The following KIAA1549 variants were observed in gnomAD, a reference collection of about 807,000 sequenced individuals.
KIAA1549 encodes the protein UPF0606 protein KIAA1549.
A neutral mutation model predicts 156.4 loss-of-function variants in KIAA1549; 70 were observed. The ratio of observed to expected loss-of-function variants is 0.45; its 90% CI spans 0.37 to 0.55. KIAA1549 has a LOEUF of 0.55. Among genes scored for constraint, KIAA1549 ranks in the 20% least tolerant of loss-of-function variants. The pLI is 0.00. For missense variants in KIAA1549, 2,428 were observed against 2,540.9 expected (o/e 0.96, Z 0.96); for synonymous variants, 1,103 against 1,066.4 (o/e 1.03, Z -0.67).
At chr7:138,978,622 G>A (rs1424093400) in intron 1 of KIAA1549, among the ~76,000 whole-genome samples, 1 of 152,208 alleles carries the variant, frequency 6.6e-6, no homozygotes, top group Admixed American at 6.5e-5. Flanking sequence ...GTTAACAAGA[G>A]AAGCCAGCTG....
chr7:138,899,486 C>T (rs1478490494), intron 8 of KIAA1549, among the ~76,000 whole-genome samples: 1 of 152,220 alleles, frequency 6.6e-6, no homozygotes, highest in Non-Finnish European at 1.5e-5. Flanking sequence ...ATCCTCCCAA[C>T]ATTAACTGTA....
At chr7:138,945,288 A>C (rs1813306418) in intron 1 of KIAA1549, among the ~76,000 whole-genome samples, 1 of 152,230 alleles carries the variant, frequency 6.6e-6, no homozygotes, top group Non-Finnish European at 1.5e-5. Context: ...CCTTAGCGCC[A>C]GCCACTGTCT....
At chr7:138,877,170 G>C (rs1277128879) in intron 12 of KIAA1549, among the ~76,000 whole-genome samples, 1 of 152,126 alleles carries the variant, frequency 6.6e-6, no homozygotes, top group Non-Finnish European at 1.5e-5. Context: ...ACTTCATTAC[G>C]ACTTTCAACA....
Position 138,865,913 on chromosome 7 carries a change from G to T in KIAA1549, c.4929+2062C>A, listed in dbSNP as rs962495499. ...GCCCAGGTTGGCTGGAGAAGTGAAG[G>T]GACAAGAAGGGATGCTGCCCCTTCT... On this transcript the variant is annotated intron_variant, in intron 15 of 19. Transcript: ENST00000422774. Among the ~76,000 whole-genome samples the T allele has an allele frequency of 1.3e-5, 2 of 152,082 alleles. 1 individual carries two copies. Among genetic ancestry groups the T allele is most frequent in the Non-Finnish European group, 2.9e-5 (2 of 68,008 alleles).
At chr7:138,842,584 T>C (rs938501583) in intron 18 of KIAA1549, among the ~76,000 whole-genome samples, 1 of 151,856 alleles carries the variant, frequency 6.6e-6, no homozygotes, top group Non-Finnish European at 1.5e-5. Flanking sequence ...TCATAGCTAC[T>C]TGGGAGGTTG....
intron 10 of KIAA1549, among the ~76,000 whole-genome samples, chr7:138,889,272 G>A (rs149826928): frequency 6.6e-5 from 10 of 152,260 alleles, no homozygotes; most frequent in African/African-American, 1.2e-4. Context: ...TCTATAGGGC[G>A]GTCTACGTAG....
chr7:138,950,857 G>A (rs911724135), intron 1 of KIAA1549, among the ~76,000 whole-genome samples: 5 of 151,078 alleles, frequency 3.3e-5, no homozygotes, highest in Non-Finnish European at 5.9e-5. Context: ...CATGTCACGA[G>A]GTCCCCGACC....
rs757911682 is a variant in KIAA1549 at position 138,867,972 on chromosome 7, C to T, written c.4929+3G>A. 14 of 1,613,278 alleles carry T rather than the reference C, an allele frequency of 8.7e-6. No homozygotes were observed. The highest frequency in any genetic ancestry group is 6.7e-5 in the Admixed American group (4 of 59,988). ...TCCAGAAACTGGAGTCGGTGGCACG[C>T]ACTGGGCATCCGATGTAGGCTGAGT... On this transcript the variant is annotated splice_donor_region_variant and intron_variant, in intron 15 of 19. Transcript: ENST00000422774.
rs753732686 is a variant in KIAA1549 at position 138,844,428 on chromosome 7, G to T, written c.5341C>A (p.Pro1781Thr). 6.3e-7 allele frequency: 1 copy of T among 1,588,718 alleles called. No homozygotes were observed. The highest frequency in any genetic ancestry group is 1.4e-5 in the African/African-American group (1 of 74,072). The part of the protein sequence containing the change: ...GLLQSTELVP[P>T]DPQQPQASAE... ...GAGGCCTGTGGCTGCTGAGGGTCAG[G>T]GGGCACCAGCTCTGTAGACTGCAGC... The change falls in exon 18 of 20, where the codon CCT becomes ACT. Residue 1781 changes from proline (P) to threonine (T), a missense_variant. Pro to Thr is a conservative substitution (Grantham distance 38). Around this residue, in one of 5 missense-constraint regions of KIAA1549, gnomAD observed 363 missense variants for 354.0 expected, o/e 1.03. Transcript: ENST00000422774.
intron 10 of KIAA1549, among the ~76,000 whole-genome samples, chr7:138,885,981 AC>A (rs1179238874): frequency 6.6e-6 from 1 of 152,032 alleles, no homozygotes; most frequent in Non-Finnish European, 1.5e-5. Flanking sequence ...ATTCAAGGAC[AC>A]CCAGCTGATA....
At position 138,848,678 on chromosome 7, in the gene KIAA1549, T is replaced by G. The variant is rs184557221; in HGVS notation, c.5294+3545A>C. Reference sequence around the variant, plus strand: ...GCCCTTGTCCCTCGTATCAAGGTGATGTTGGCTTCATAAAATGAACGGAGA... The same window carrying G: ...GCCCTTGTCCCTCGTATCAAGGTGAGGTTGGCTTCATAAAATGAACGGAGA... On this transcript the variant is annotated intron_variant, in intron 17 of 19. Coordinates refer to ENST00000422774, the MANE Select transcript of KIAA1549 (RefSeq NM_001164665.2). Among the ~76,000 whole-genome samples the G allele has an allele frequency of 2.4e-3, 373 of 152,316 alleles. 1 individual carries two copies. The highest frequency in any genetic ancestry group is 6.8e-3 in the Middle Eastern group (2 of 294).
Position 138,833,922 on chromosome 7 carries a change from G to T in KIAA1549, c.*3984C>A, listed in dbSNP as rs1584974814. On this transcript the variant is annotated 3_prime_UTR_variant, in exon 20 of 20. Transcript: ENST00000422774. ...CTTCTCTTCTGAAACTCCCTCAATA[G>T]TGCAGTCGGGGATTCTGTCCCCATA... The T allele has an allele frequency of 8.6e-6, 2 of 231,894 alleles. No individual in the cohort carries two copies. Among genetic ancestry groups the T allele is most frequent in the East Asian group, 1.2e-4 (2 of 16,404 alleles). 14.4% of individuals were successfully genotyped at this position (231,894 alleles called of 1,614,324 possible). A position where few individuals can be genotyped will look rare whatever the true frequency, so the allele number is the denominator to read the frequency against.
At position 138,981,046 on chromosome 7, in the gene KIAA1549, G is replaced by A. The variant is rs1002496544; in HGVS notation, c.187+37C>T. 4.1e-6 allele frequency: 5 copies of A among 1,219,928 alleles called. No homozygotes were observed. Among genetic ancestry groups the A allele is most frequent in the Non-Finnish European group, 4.1e-6 (4 of 979,064 alleles). 75.6% of individuals were successfully genotyped at this position (1,219,928 alleles called of 1,614,324 possible). A position where few individuals can be genotyped will look rare whatever the true frequency, so the allele number is the denominator to read the frequency against. Reference sequence around the variant, plus strand: ...AACAGCAGCGATAAAGGCAGGCGGGGTCGCGGCCGCGTTCCGAGGGTCTCG... The same window carrying A: ...AACAGCAGCGATAAAGGCAGGCGGGATCGCGGCCGCGTTCCGAGGGTCTCG... On this transcript the variant is annotated intron_variant, in intron 1 of 19. Transcript: ENST00000422774. This position sits in a 1 kb window ranked among gnomAD's most constrained non-coding sequence, Gnocchi z 4.5.
At chr7:138,967,979 G>A (rs567618040) in intron 1 of KIAA1549, among the ~76,000 whole-genome samples, 31 of 152,322 alleles carry the variant, frequency 2.0e-4, no homozygotes, top group Admixed American at 9.8e-4. Context: ...AGACCACTGA[G>A]GCTCCCAGCT....
chr7:138,903,937 A>G (rs1811935782), intron 7 of KIAA1549, among the ~76,000 whole-genome samples: 1 of 152,088 alleles, frequency 6.6e-6, no homozygotes, highest in Non-Finnish European at 1.5e-5. Flanking sequence ...AAACATCAAA[A>G]GGAGAAAAAG....
chr7:138,958,482 C>T (rs1380473069), intron 1 of KIAA1549, among the ~76,000 whole-genome samples: 1 of 152,192 alleles, frequency 6.6e-6, no homozygotes, highest in Non-Finnish European at 1.5e-5. Flanking sequence ...GGCCCTGAGG[C>T]ATCTTGTCAG....
chr7:138,926,617 T>C (rs1812727582), intron 1 of KIAA1549, among the ~76,000 whole-genome samples: 1 of 152,096 alleles, frequency 6.6e-6, no homozygotes, highest in African/African-American at 2.4e-5. Flanking sequence ...TCTCAGGTTG[T>C]CCTAGGCAGA....
chr7:138,851,325 GC>G (rs952169655), intron 17 of KIAA1549, among the ~76,000 whole-genome samples: 2 of 151,524 alleles, frequency 1.3e-5, no homozygotes, highest in Non-Finnish European at 2.9e-5. Flanking sequence ...TTATATTTAA[GC>G]ATTCTTTAGT....
intron 1 of KIAA1549, among the ~76,000 whole-genome samples, chr7:138,962,790 T>C (rs1269752528): frequency 6.6e-6 from 1 of 152,194 alleles, no homozygotes; most frequent in Non-Finnish European, 1.5e-5. Context: ...TTTTCAACCA[T>C]TCTGTTTCAG....
Sources: allele counts gnomAD v4.1 joint callset (sites outside exome capture counted in the v4.1 genomes callset), GRCh38; gene constraint gnomAD v4.1.1; regional missense constraint gnomAD v4.1.1; non-coding constraint Gnocchi (gnomAD v3.1); transcripts MANE v1.5; gene names NCBI Gene and HGNC (gene_info 2026-07-23, HGNC 2026-07-21).